Variants in RCL1 observed in about 807,000 individuals in gnomAD.
RCL1 encodes RNA terminal phosphate cyclase like 1.
A neutral mutation model predicts 42.4 loss-of-function variants in RCL1; 24 were observed. The observed-to-expected ratio is 0.57, with a 90% CI of 0.41 to 0.80. RCL1 has a LOEUF of 0.80. Among genes scored for constraint, RCL1 ranks in the 30% least tolerant of loss-of-function variants. The probability of loss-of-function intolerance (pLI) is 0.00; values close to 1 mark genes in which losing one functional copy is unlikely to be tolerated. For missense variants in RCL1, 578 were observed against 467.9 expected (o/e 1.24, Z -2.17); for synonymous variants, 228 against 177.3 (o/e 1.29, Z -2.27).
intron 3 of RCL1, among the ~76,000 whole-genome samples, chr9:4,829,791 A>T (rs1019541505): frequency 1.3e-5 from 2 of 152,158 alleles, no homozygotes; most frequent in African/African-American, 4.8e-5. Flanking sequence ...TTACATTATG[A>T]TAGGGCAGTG....
chr9:4,850,465 A>G (rs1817697295), intron 8 of RCL1: 1 of 279,420 alleles, frequency 3.6e-6, no homozygotes, highest in African/African-American at 2.3e-5. Flanking sequence ...GGAGCTTGAA[A>G]TAAATTCTTA....
chr9:4,844,820 C>A (rs1817458191), intron 7 of RCL1, 139 bp downstream of exon 7: 1 of 790,810 alleles, frequency 1.3e-6, no homozygotes, highest in East Asian at 2.8e-5. Flanking sequence ...AGCAGTTCAG[C>A]CTTAACTAGT....
At chr9:4,799,868 T>C (rs1360903308) in intron 1 of RCL1, among the ~76,000 whole-genome samples, 1 of 152,200 alleles carries the variant, frequency 6.6e-6, no homozygotes, top group Non-Finnish European at 1.5e-5. Flanking sequence ...AATCAAACCC[T>C]GATTCCCTGT....
Position 4,823,531 on chromosome 9 carries a change from AT to A in RCL1, c.137-9del, listed in dbSNP as rs758557794. ...AGTCTGTCTTCTCTTTTCTTCACAG[AT>A]TTTTTTTCTTCACAGATTTTGAAGC... is the stretch of plus-strand genomic sequence containing the variant. On this transcript the variant is annotated splice_polypyrimidine_tract_variant and intron_variant, in intron 1 of 8. Coordinates refer to ENST00000381750, the MANE Select transcript of RCL1 (RefSeq NM_005772.5). The A allele has an allele frequency of 8.1e-6, 13 of 1,597,680 alleles. No individual in the cohort carries two copies. Among genetic ancestry groups the A allele is most frequent in the African/African-American group, 6.7e-5 (5 of 74,162 alleles).
intron 3 of RCL1, among the ~76,000 whole-genome samples, chr9:4,828,063 G>A (rs1816824199): frequency 6.6e-6 from 1 of 151,360 alleles, no homozygotes; most frequent in Non-Finnish European, 1.5e-5. Context: ...GCGGGCGCCT[G>A]TAGTGCCAGC....
At position 4,827,187 on chromosome 9, in the gene RCL1, G is replaced by A. The variant is rs1183071132; in HGVS notation, c.384+154G>A. 4 of 1,544,414 alleles carry A rather than the reference G, an allele frequency of 2.6e-6. No homozygotes were observed. The Admixed American group carries it at 6.0e-5, about 23-fold the overall frequency. ...GAGATTTAGAGGTTAATCACTCCAG[G>A]AGGCAGATGAACCAAAACTTAGGAT... On this transcript the variant is annotated intron_variant, in intron 3 of 8. Transcript: ENST00000381750.
chr9:4,850,218 A>T (rs942890909), intron 8 of RCL1: 1 of 493,284 alleles, frequency 2.0e-6, no homozygotes, highest in Admixed American at 2.0e-5. Flanking sequence ...ACGTGCTTGC[A>T]TACTTGGAGA....
chr9:4,796,323 A>T (rs1842913482), intron 1 of RCL1, among the ~76,000 whole-genome samples: 1 of 152,212 alleles, frequency 6.6e-6, no homozygotes, highest in South Asian at 2.1e-4. Flanking sequence ...ATAAGTAAGA[A>T]CATGGAGTAT....
At chr9:4,797,758 G>A (rs905239744) in intron 1 of RCL1, among the ~76,000 whole-genome samples, 1 of 152,092 alleles carries the variant, frequency 6.6e-6, no homozygotes, top group Non-Finnish European at 1.5e-5. Context: ...ACTACACAAG[G>A]ATTTAGAAAC....
intron 1 of RCL1, among the ~76,000 whole-genome samples, chr9:4,809,861 G>A (rs997109711): frequency 6.6e-6 from 1 of 152,164 alleles, no homozygotes; most frequent in Middle Eastern, 3.4e-3. Flanking sequence ...CTGTCACCCA[G>A]GCTGGAATGC....
At chr9:4,849,618 G>C in intron 8 of RCL1, 68 bp downstream of exon 8, 1 of 1,197,936 alleles carries the variant, frequency 8.3e-7, no homozygotes, top group Non-Finnish European at 1.2e-6. Context: ...AAATGACAAA[G>C]GGTGTTGTGC....
intron 8 of RCL1, among the ~76,000 whole-genome samples, chr9:4,853,718 C>T (rs1274454403): frequency 6.6e-6 from 1 of 152,194 alleles, no homozygotes; most frequent in Admixed American, 6.5e-5. Context: ...ATCTTTTCAG[C>T]AAAGTCCTCG....
intron 1 of RCL1, among the ~76,000 whole-genome samples, chr9:4,822,568 A>C (rs1283196139): frequency 6.6e-6 from 1 of 152,208 alleles, no homozygotes; most frequent in African/African-American, 2.4e-5. Context: ...CTGTAATCCC[A>C]GCACTTTGGG....
chr9:4,842,378 C>T (rs375216130), intron 6 of RCL1, among the ~76,000 whole-genome samples: 28 of 152,178 alleles, frequency 1.8e-4, no homozygotes, highest in African/African-American at 6.7e-4. Flanking sequence ...TTTTATACAA[C>T]CTTTGACCTT....
intron 5 of RCL1, among the ~76,000 whole-genome samples, chr9:4,837,933 GCCCTTTCTCAGAT>G (rs1817193125): frequency 6.6e-6 from 1 of 152,162 alleles, no homozygotes; most frequent in South Asian, 2.1e-4. Flanking sequence ...TTGACACAGT[GCCCTTTCTCAGAT>G]CCCTGTCTGT....
intron 4 of RCL1, among the ~76,000 whole-genome samples, chr9:4,833,761 A>T (rs1237808117): frequency 1.3e-5 from 2 of 152,186 alleles, no homozygotes; most frequent in Admixed American, 1.3e-4. Flanking sequence ...AAATGACTTC[A>T]TTTTTATTTA....
At chr9:4,830,405 G>T (rs1030024181) in intron 3 of RCL1, among the ~76,000 whole-genome samples, 1 of 152,182 alleles carries the variant, frequency 6.6e-6, no homozygotes, top group African/African-American at 2.4e-5. Flanking sequence ...GTCCAGAGGG[G>T]ATAAGGATTG....
In RCL1 at chr9:4,814,213, C is replaced by G. The variant is rs143808688; in HGVS notation, c.137-9335C>G. 3.8e-3 allele frequency among the ~76,000 whole-genome samples: 436 copies of G among 115,748 alleles called. 2 individuals carry two copies. The highest frequency in any genetic ancestry group is 0.011 in the African/African-American group (390 of 34,484). 75.9% of individuals were successfully genotyped at this position (115,748 alleles called of 152,430 possible). A position where few individuals can be genotyped will look rare whatever the true frequency, so the allele number is the denominator to read the frequency against. On this transcript the variant is annotated intron_variant, in intron 1 of 8. Transcript: ENST00000381750. ...TTAGCTGTGAGTTTGTCATATACAG[C>G]CTTTATTGTGTTGAGGTGTGTTCTT... is the stretch of plus-strand genomic sequence containing the variant.
chr9:4,821,777 T>G (rs892068506), intron 1 of RCL1, among the ~76,000 whole-genome samples: 1 of 152,200 alleles, frequency 6.6e-6, no homozygotes, highest in African/African-American at 2.4e-5. Context: ...ATGGCACCCC[T>G]GGCTGGACTC....
Sources: allele counts gnomAD v4.1 joint callset (sites outside exome capture counted in the v4.1 genomes callset), GRCh38; gene constraint gnomAD v4.1.1; transcripts MANE v1.5; gene names NCBI Gene and HGNC (gene_info 2026-07-23, HGNC 2026-07-21).